Variants in PCDHGA2 observed in about 807,000 individuals in gnomAD.
PCDHGA2 encodes the protein protocadherin gamma subfamily A, 2, also known as protocadherin gamma-A2.
PCDHGA2 carries 40 observed loss-of-function variants against 59.2 expected under a neutral mutation model. The ratio of observed to expected loss-of-function variants is 0.68; its 90% CI spans 0.52 to 0.88. The LOEUF is 0.88. PCDHGA2 is among the 40% of genes least tolerant of loss of function. The probability of loss-of-function intolerance (pLI) is 0.00; values close to 1 mark genes in which losing one functional copy is unlikely to be tolerated. For missense variants in PCDHGA2, 1,226 were observed against 1,204.0 expected (o/e 1.02, Z -0.27); for synonymous variants, 560 against 526.0 (o/e 1.06, Z -0.89).
At chr5:141,372,628 A>G (rs1561557041) in intron 1 of PCDHGA2, 5 of 1,614,014 alleles carry the variant, frequency 3.1e-6, no homozygotes, top group Non-Finnish European at 4.2e-6. Flanking sequence ...ACCTACAGCG[A>G]AAGGACTTTG....
intron 1 of PCDHGA2, among the ~76,000 whole-genome samples, chr5:141,446,193 T>C (rs1402824950): frequency 6.6e-6 from 1 of 152,208 alleles, no homozygotes; most frequent in East Asian, 1.9e-4. Flanking sequence ...TTTATTATTA[T>C]ATTCCTAGGT....
chr5:141,403,324 T>G (rs769971532), intron 1 of PCDHGA2: 1 of 1,613,974 alleles, frequency 6.2e-7, no homozygotes, highest in East Asian at 2.2e-5. Context: ...TAGAAGTAAC[T>G]GATATTAACG....
In PCDHGA2 at chr5:141,366,839, A is replaced by G. The variant is rs372026898; in HGVS notation, c.2424+25444A>G. The G allele has an allele frequency of 1.6e-5, 24 of 1,499,090 alleles. No homozygotes were observed. In the African/African-American group the frequency reaches 3.1e-4, roughly 19 times the overall value. 92.9% of individuals were successfully genotyped at this position (1,499,090 alleles called of 1,614,324 possible). A position where few individuals can be genotyped will look rare whatever the true frequency, so the allele number is the denominator to read the frequency against. On this transcript the variant is annotated intron_variant, in intron 1 of 3. Coordinates refer to ENST00000394576, the MANE Select transcript of PCDHGA2 (RefSeq NM_018915.4). ...CTGTCATATTCAGAATCAGCTAGTT[A>G]TGTAAATAGTGGAACATTATTTGCT...
chr5:141,511,010 A>G lies in PCDHGA2; in HGVS notation c.2636A>G (p.Tyr879Cys), dbSNP rs1286219897. 6.2e-6 allele frequency: 10 copies of G among 1,614,054 alleles called. No homozygotes were observed. Among genetic ancestry groups the G allele is most frequent in the African/African-American group, 1.3e-5 (1 of 74,916 alleles). Residue 879 changes from tyrosine to cysteine, a missense_variant, in exon 4 of 4, where the codon TAC becomes TGC. By Grantham distance (194) the Tyr-to-Cys change is radical (BLOSUM62 -2). Coordinates refer to ENST00000394576, the MANE Select transcript of PCDHGA2 (RefSeq NM_018915.4). ...GGCACCATGGGATTGAGCGCCCGCT[A>G]CGGACCCCAGTTCACCCTGCAGCAC... Reference protein sequence around the residue: ...GAGTMGLSARYGPQFTLQHVP... With the variant: ...GAGTMGLSARCGPQFTLQHVP...
intron 1 of PCDHGA2, among the ~76,000 whole-genome samples, chr5:141,456,033 G>A (rs1398584179): frequency 6.6e-6 from 1 of 151,884 alleles, no homozygotes; most frequent in Non-Finnish European, 1.5e-5. Flanking sequence ...GAGTAGCTGG[G>A]ACTACAGGCG....
intron 1 of PCDHGA2, chr5:141,404,094 A>C: frequency 6.2e-7 from 1 of 1,613,620 alleles, no homozygotes; most frequent in South Asian, 1.1e-5. Context: ...AAGAATGGTC[A>C]AGTTGTCTGT....
At position 141,419,294 on chromosome 5, in the gene PCDHGA2, C is replaced by T. The variant is rs770303087; in HGVS notation, c.2425-75513C>T. ...CATAGCGCAAGTCAGTGCCTCTGAC[C>T]CAGACTTCGGGCTCAACGGCCGTGT... On this transcript the variant is annotated intron_variant, in intron 1 of 3. Transcript: ENST00000394576. The T allele has an allele frequency of 1.9e-6, 3 of 1,614,036 alleles. No homozygotes were observed. Among genetic ancestry groups the T allele is most frequent in the East Asian group, 2.2e-5 (1 of 44,886 alleles).
At chr5:141,405,330 T>C (rs750658260) in intron 1 of PCDHGA2, 1 of 1,614,206 alleles carries the variant, frequency 6.2e-7, no homozygotes, top group East Asian at 2.2e-5. Context: ...CCTTTGTGCG[T>C]CTCTGTTGAT....
chr5:141,473,925 T>C (rs1338065496), intron 1 of PCDHGA2, among the ~76,000 whole-genome samples: 1 of 152,124 alleles, frequency 6.6e-6, no homozygotes, highest in East Asian at 1.9e-4. Context: ...AACTATGAGC[T>C]GGGTGCAGTA....
intron 1 of PCDHGA2, chr5:141,404,379 C>T (rs548569433): frequency 6.2e-7 from 1 of 1,613,940 alleles, no homozygotes; most frequent in African/African-American, 1.3e-5. Flanking sequence ...TCCGTGATTG[C>T]CTATGACCCT....
At chr5:141,352,305 C>G (rs1758974318) in intron 1 of PCDHGA2, 1 of 1,613,952 alleles carries the variant, frequency 6.2e-7, no homozygotes, top group Non-Finnish European at 8.5e-7. Context: ...GACCCCCAGA[C>G]GGAACTGCAG....
At chr5:141,366,451 C>A (rs372498112) in intron 1 of PCDHGA2, 8 of 1,614,110 alleles carry the variant, frequency 5.0e-6, no homozygotes, top group Non-Finnish European at 6.8e-6. Context: ...TCCTGGCCTT[C>A]GTCATCGTGC....
At chr5:141,497,677 C>T in intron 2 of PCDHGA2, among the ~76,000 whole-genome samples, 1 of 151,836 alleles carries the variant, frequency 6.6e-6, no homozygotes, top group East Asian at 1.9e-4. Context: ...GTAGCTGGGA[C>T]AGCAGGTGTG....
rs2150230162 is a variant in PCDHGA2, at chr5:141,383,367, G to T, written c.2424+41972G>T. The T allele has an allele frequency of 1.9e-6, 3 of 1,614,030 alleles. No individual in the cohort carries two copies. The East Asian group carries it at 6.7e-5, about 36-fold the overall frequency. ...CTGGGGTTCGGTTTCCGTTAAGCGA[G>T]GCTGGGGATCCAGATGTGGGCACGA... On this transcript the variant is annotated intron_variant, in intron 1 of 3. Transcript: ENST00000394576.
At chr5:141,453,046 T>C (rs1561950003) in intron 1 of PCDHGA2, among the ~76,000 whole-genome samples, 1 of 152,186 alleles carries the variant, frequency 6.6e-6, no homozygotes, top group Non-Finnish European at 1.5e-5. Context: ...GTTTCTATTA[T>C]GTGCAGTTTT....
chr5:141,466,809 CA>C (rs1454424644), intron 1 of PCDHGA2, among the ~76,000 whole-genome samples: 1 of 152,102 alleles, frequency 6.6e-6, no homozygotes, highest in Non-Finnish European at 1.5e-5. Flanking sequence ...CCTATTCAGA[CA>C]TGGTATAACA....
chr5:141,361,748 G>T, intron 1 of PCDHGA2: 1 of 1,613,040 alleles, frequency 6.2e-7, no homozygotes, highest in Non-Finnish European at 8.5e-7. Flanking sequence ...CGCGACCAGG[G>T]CTCGCCCGCG....
intron 1 of PCDHGA2, among the ~76,000 whole-genome samples, chr5:141,443,592 G>A (rs2098395439): frequency 6.6e-6 from 1 of 152,076 alleles, no homozygotes; most frequent in Admixed American, 6.6e-5. Context: ...AACAGAATGT[G>A]GTATATGAAA....
chr5:141,480,250 A>T (rs2099515553), intron 1 of PCDHGA2, among the ~76,000 whole-genome samples: 2 of 151,988 alleles, frequency 1.3e-5, no homozygotes, highest in African/African-American at 4.8e-5. Context: ...CAAAAAAAAA[A>T]AAAAATGTGT....
Sources: gnomAD v4.1 joint callset for allele counts (sites outside exome capture counted in the v4.1 genomes callset) on GRCh38, gnomAD v4.1.1 for gene constraint, MANE v1.5 for transcripts, NCBI Gene and HGNC (gene_info 2026-07-23, HGNC 2026-07-21) for gene names.